The following PBX1 variants were observed in gnomAD, a reference collection of about 807,000 sequenced individuals.
PBX1 encodes PBX homeobox 1.
A neutral mutation model predicts 53.4 loss-of-function variants in PBX1; 6 were observed. The observed-to-expected ratio is 0.11, with a 90% CI of 0.06 to 0.22. PBX1 has a LOEUF of 0.22. Ranked by LOEUF, PBX1 falls within the 10% of genes least tolerant of loss-of-function variation. PBX1 has a pLI of 1.00. For missense variants in PBX1, 251 were observed against 551.4 expected (o/e 0.46, Z 5.46); for synonymous variants, 204 against 212.3 (o/e 0.96, Z 0.34).
intron 2 of PBX1, among the ~76,000 whole-genome samples, chr1:164,782,007 G>A (rs1374882550): frequency 6.6e-6 from 1 of 152,204 alleles, no homozygotes; most frequent in African/African-American, 2.4e-5. Context: ...TGGTTAAGCT[G>A]TCTAAAGCAA....
At chr1:164,601,892 G>C (rs1656202296) in intron 2 of PBX1, among the ~76,000 whole-genome samples, 1 of 152,220 alleles carries the variant, frequency 6.6e-6, no homozygotes, top group South Asian at 2.1e-4. Flanking sequence ...GTTTCAGACA[G>C]AGGTTGGAAC....
intron 2 of PBX1, among the ~76,000 whole-genome samples, chr1:164,618,319 A>C: frequency 6.9e-6 from 1 of 143,962 alleles, no homozygotes; most frequent in Non-Finnish European, 1.5e-5. Context: ...GGCACTCAAG[A>C]TGATCAGCAC....
At chr1:164,825,114 A>G (rs372316792) in intron 8 of PBX1, among the ~76,000 whole-genome samples, 29 of 152,048 alleles carry the variant, frequency 1.9e-4, no homozygotes, top group African/African-American at 6.8e-4. Flanking sequence ...GCCATTCAGT[A>G]TGGCCAGCTC....
In PBX1 at chr1:164,559,311, A is replaced by C. The variant is rs1370507641; in HGVS notation, c.-512A>C. 1 of 168,464 alleles carries C rather than the reference A, an allele frequency of 5.9e-6. No individual in the cohort carries two copies. The highest frequency in any genetic ancestry group is 2.7e-5 in the African/African-American group (1 of 36,690). The allele number at this position is 168,464 out of a possible 1,614,324, so 10.4% of individuals were successfully genotyped here. A position where few individuals can be genotyped will look rare whatever the true frequency, so the allele number is the denominator to read the frequency against. ...TTTGCAACAGCCCACCCCCTTTGAG[A>C]TCACTCTGGCCCGGAGTGGGGGTGG... On this transcript the variant is annotated 5_prime_UTR_variant, in exon 1 of 9. Coordinates refer to ENST00000420696, the MANE Select transcript of PBX1 (RefSeq NM_002585.4).
At position 164,783,475 on chromosome 1, in the gene PBX1, C is replaced by T. The variant is rs188251211; in HGVS notation, c.266-9019C>T. Among the ~76,000 whole-genome samples, 334 of 152,184 alleles carry T rather than the reference C, an allele frequency of 2.2e-3. 5 individuals carry two copies. The highest frequency in any genetic ancestry group is 9.1e-4 in the Non-Finnish European group (62 of 68,008). On this transcript the variant is annotated intron_variant, in intron 2 of 8. Coordinates refer to ENST00000420696, the MANE Select transcript of PBX1 (RefSeq NM_002585.4). ...TTTCTTCTGTGTTGTTGATTCCTAA[C>T]GCGCAGAAAAACCAAACTCTTAACT...
At chr1:164,615,215 A>C (rs67350111) in intron 2 of PBX1, among the ~76,000 whole-genome samples, 7,286 of 152,280 alleles carry the variant, frequency 0.048, 508 homozygotes, top group African/African-American at 0.15. Context: ...TCTGAAAATA[A>C]GAAAAATGAG....
intron 6 of PBX1, chr1:164,813,842 T>C (rs1239719216): frequency 6.6e-6 from 1 of 152,206 alleles, no homozygotes; most frequent in East Asian, 1.9e-4. Context: ...TTTAACCCTC[T>C]ATTCTGTGTT....
intron 2 of PBX1, among the ~76,000 whole-genome samples, chr1:164,581,358 G>A (rs1654607268): frequency 6.6e-6 from 1 of 151,832 alleles, no homozygotes; most frequent in Non-Finnish European, 1.5e-5. Flanking sequence ...CTCCCGAGTA[G>A]CTGGGATTAC....
chr1:164,662,522 A>G (rs1660546394), intron 2 of PBX1, among the ~76,000 whole-genome samples: 1 of 151,992 alleles, frequency 6.6e-6, no homozygotes, highest in African/African-American at 2.4e-5. Flanking sequence ...GTCAGTTGTG[A>G]TGGTCTGATG....
chr1:164,807,397 G>C (rs1285307029), intron 4 of PBX1, 145 bp from the exon 5 acceptor site: 9 of 892,226 alleles, frequency 1.0e-5, no homozygotes, highest in Non-Finnish European at 1.5e-5. Context: ...CGTTGGTTTT[G>C]GCATCCAGCC....
intron 2 of PBX1, among the ~76,000 whole-genome samples, chr1:164,654,892 T>C (rs765408792): frequency 1.8e-4 from 27 of 152,076 alleles, no homozygotes; most frequent in Non-Finnish European, 3.2e-4. Flanking sequence ...GAGCTTGTGA[T>C]TGGGGAGTAA....
intron 2 of PBX1, among the ~76,000 whole-genome samples, chr1:164,598,260 A>T (rs1655903221): frequency 6.6e-6 from 1 of 152,088 alleles, no homozygotes; most frequent in Non-Finnish European, 1.5e-5. Context: ...GTTTGTTTTT[A>T]TCTGGCTACT....
intron 2 of PBX1, among the ~76,000 whole-genome samples, chr1:164,598,343 T>C (rs1655909084): frequency 6.6e-6 from 1 of 152,086 alleles, no homozygotes; most frequent in Admixed American, 6.6e-5. Context: ...TCCTAGAGGG[T>C]GGTAGAGACC....
chr1:164,684,804 G>A (rs1662004597), intron 2 of PBX1: 1 of 152,186 alleles, frequency 6.6e-6, no homozygotes, highest in African/African-American at 2.4e-5. Flanking sequence ...TTTGACGATA[G>A]CACTTCTTTG....
intron 2 of PBX1, among the ~76,000 whole-genome samples, chr1:164,759,968 G>A (rs974641113): frequency 3.9e-5 from 6 of 152,136 alleles, no homozygotes; most frequent in Non-Finnish European, 5.9e-5. Context: ...AACCACAGTT[G>A]TAAAGCTCTG....
rs1237730970 is a variant in PBX1 at position 164,870,194 on chromosome 1, T to TAC, written n.258-28994_258-28993insAC. 2.1e-5 allele frequency among the ~76,000 whole-genome samples: 3 copies of TAC among 139,908 alleles called. No individual in the cohort carries two copies. The East Asian group carries it at 5.9e-4, about 28-fold the overall frequency. The allele number at this position is 139,908 out of a possible 152,430, so 91.8% of individuals were successfully genotyped here. ...TAAAATCACTTTTTCTCTATTGACT[T>TAC]TCTTTCTTTCTTTCTTTTCTTTCTT... On this transcript the variant is annotated intron_variant and non_coding_transcript_variant, in intron 2 of 2. Coordinates refer to the PBX1 transcript ENST00000558796.
intron 2 of PBX1, among the ~76,000 whole-genome samples, chr1:164,708,354 A>C (rs574517115): frequency 9.9e-5 from 15 of 151,520 alleles, no homozygotes; most frequent in Admixed American, 7.3e-4. Flanking sequence ...GAGCTGGGCT[A>C]AGTGCTTTAC....
chr1:164,863,617 G>C (rs1672147130), intron 2 of PBX1, among the ~76,000 whole-genome samples: 1 of 152,294 alleles, frequency 6.6e-6, no homozygotes, highest in East Asian at 1.9e-4. Context: ...TGTCAACGGG[G>C]TCAACAATGT....
At chr1:164,657,628 T>C (rs1037553426) in intron 2 of PBX1, among the ~76,000 whole-genome samples, 11 of 152,154 alleles carry the variant, frequency 7.2e-5, no homozygotes, top group Admixed American at 4.6e-4. Flanking sequence ...GGATGTAGAG[T>C]GCATTAACCT....
Sources: gnomAD v4.1 joint callset for allele counts (sites outside exome capture counted in the v4.1 genomes callset) on GRCh38, gnomAD v4.1.1 for gene constraint, MANE v1.5 for transcripts, NCBI Gene and HGNC (gene_info 2026-07-23, HGNC 2026-07-21) for gene names.